Variants in MRPL50 observed in about 807,000 individuals in gnomAD.
The protein encoded by MRPL50 is mitochondrial ribosomal protein L50.
In MRPL50, 10 loss-of-function variants were observed where a neutral mutation model predicts 16.2. That is an observed-to-expected ratio of 0.62 (90% CI 0.38 to 1.05). The LOEUF (loss-of-function observed/expected upper bound fraction) is 1.05. MRPL50 is among the 50% of genes least tolerant of loss of function. The pLI is 0.01. For missense variants in MRPL50, 213 were observed against 187.1 expected (o/e 1.14, Z -0.81); for synonymous variants, 68 against 66.8 (o/e 1.02, Z -0.09).
chr9:101,398,545 C>T lies in MRPL50; in HGVS notation c.48G>A (p.Trp16Ter), dbSNP rs1163727791. ...VSGITRRVFM[W>*]TVSGTPCREF... ...CTCTACATGGTGTCCCTGAGACTGT[C>T]CACATGAAGACTCTTCTGGTAATGC... The change falls in exon 1 of 2, where the codon TGG becomes TGA. Residue 16 changes from tryptophan to a stop codon, truncating the protein, a stop_gained. Coordinates refer to ENST00000374865, the MANE Select transcript of MRPL50 (RefSeq NM_019051.3). LOFTEE classifies it high-confidence loss of function. The T allele has an allele frequency of 3.7e-6, 6 of 1,614,102 alleles. No individual in the cohort carries two copies. The highest frequency in any genetic ancestry group is 4.2e-6 in the Non-Finnish European group (5 of 1,180,030).
At position 101,388,994 on chromosome 9, in the gene MRPL50, TATAAC is replaced by T. The variant is rs10539161; in HGVS notation, c.*1467_*1471del. 0.37 allele frequency: 55,712 copies of T among 151,662 alleles called. 11,845 individuals are homozygous for T. The highest frequency in any genetic ancestry group is 0.49 in the Non-Finnish European group (33,526 of 67,800). 9.4% of individuals were successfully genotyped at this position (151,662 alleles called of 1,614,324 possible). A position where few individuals can be genotyped will look rare whatever the true frequency, so the allele number is the denominator to read the frequency against. ...ACTATTTACATTCACAACTATAACATATAACATATTATTCACAATAGTTATGTTCA... is the reference window on the plus strand; with the variant it reads ...ACTATTTACATTCACAACTATAACATATATTATTCACAATAGTTATGTTCA... On this transcript the variant is annotated 3_prime_UTR_variant, in exon 2 of 2. Transcript: ENST00000374865.
chr9:101,387,739 A>G lies in MRPL50; in HGVS notation c.*2727T>C, dbSNP rs1476957987. On this transcript the variant is annotated 3_prime_UTR_variant, in exon 2 of 2. Transcript: ENST00000374865. ...TTTTATTAGCAGGCTTTATTTAAGC[A>G]TACCTACTAAGCTTACAGAAGTTCC... 6.6e-6 allele frequency: 1 copy of G among 152,150 alleles called. No homozygotes were observed. Among genetic ancestry groups the G allele is most frequent in the Non-Finnish European group, 1.5e-5 (1 of 68,006 alleles). The allele number at this position is 152,150 out of a possible 1,614,324, so 9.4% of individuals were successfully genotyped here.
intron 1 of MRPL50, among the ~76,000 whole-genome samples, chr9:101,396,047 A>G (rs1830335430): frequency 6.6e-6 from 1 of 152,148 alleles, no homozygotes; most frequent in African/African-American, 2.4e-5. Flanking sequence ...TATCACATGT[A>G]CCCCATAAAT....
At chr9:101,393,225 A>G (rs931158468) in intron 1 of MRPL50, among the ~76,000 whole-genome samples, 21 of 152,260 alleles carry the variant, frequency 1.4e-4, no homozygotes, top group Middle Eastern at 3.4e-3. Context: ...AAGGTCATGC[A>G]TGACAAACCC....
At position 101,390,763 on chromosome 9, in the gene MRPL50, G is replaced by C. The variant is rs775090222; in HGVS notation, c.180C>G (p.Tyr60Ter). 6.2e-7 allele frequency: 1 copy of C among 1,613,526 alleles called. No individual in the cohort carries two copies. The highest frequency in any genetic ancestry group is 8.5e-7 in the Non-Finnish European group (1 of 1,179,680). Residue 60 changes from tyrosine to a stop codon, truncating the protein, a stop_gained, in exon 2 of 2, where the codon TAC (tyrosine) becomes TAG (stop). Coordinates refer to ENST00000374865, the MANE Select transcript of MRPL50 (RefSeq NM_019051.3). LOFTEE classifies it high-confidence loss of function. ...LVCPPLRSRAYTPPEDLQSRL... is the reference protein window; with the variant it reads ...LVCPPLRSRA The stretch of plus-strand genomic sequence containing the variant: ...GACTCTGGAGATCTTCAGGTGGTGT[G>C]TATGCTCGGCTTCGTAAAGGTGGAC...
Position 101,390,662 on chromosome 9 carries a change from C to G in MRPL50, c.281G>C (p.Ser94Thr), listed in dbSNP as rs773979367. Reference sequence around the variant, plus strand: ...AGCCAGAAGATTGAACTTTAGACGACTATCTTCCAGGGAGATGTCTTGCCA... The same window carrying G: ...AGCCAGAAGATTGAACTTTAGACGAGTATCTTCCAGGGAGATGTCTTGCCA... ...SNWQDISLED[S>T]RLKFNLLAHL... Residue 94 changes from serine (S) to threonine (T), a missense_variant, in exon 2 of 2, where the codon AGT (serine) becomes ACT (threonine). Physicochemically the swap from Ser to Thr is moderately conservative, Grantham distance 58. Coordinates refer to ENST00000374865, the MANE Select transcript of MRPL50 (RefSeq NM_019051.3). The G allele has an allele frequency of 1.2e-6, 2 of 1,609,220 alleles. No individual in the cohort carries two copies. The highest frequency in any genetic ancestry group is 3.3e-5 in the Admixed American group (2 of 59,752).
At chr9:101,394,628 T>G (rs1830317385) in intron 1 of MRPL50, among the ~76,000 whole-genome samples, 1 of 152,202 alleles carries the variant, frequency 6.6e-6, no homozygotes, top group African/African-American at 2.4e-5. Context: ...GCAATTCCTC[T>G]GCCTTGATAC....
At chr9:101,391,429 T>C (rs1014527447) in intron 1 of MRPL50, among the ~76,000 whole-genome samples, 3 of 152,082 alleles carry the variant, frequency 2.0e-5, no homozygotes, top group African/African-American at 7.2e-5. Context: ...TCAGAGTGTA[T>C]CACATCCTAC....
In MRPL50 at chr9:101,398,432, T is replaced by G. The variant is rs1588151364; in HGVS notation, c.92+69A>C. ...GGGACCACGATGGCGTAACACTCTA[T>G]TTTGAATTCGTCCCTAATCCTCCTT... On this transcript the variant is annotated intron_variant, in intron 1 of 1. Transcript: ENST00000374865. The G allele has an allele frequency of 2.1e-6, 3 of 1,449,448 alleles. No homozygotes were observed. The East Asian group carries it at 6.8e-5, about 33-fold the overall frequency. 89.8% of individuals were successfully genotyped at this position (1,449,448 alleles called of 1,614,324 possible). A position where few individuals can be genotyped will look rare whatever the true frequency, so the allele number is the denominator to read the frequency against.
At chr9:101,393,558 C>A (rs1359283162) in intron 1 of MRPL50, among the ~76,000 whole-genome samples, 3 of 151,264 alleles carry the variant, frequency 2.0e-5, no homozygotes, top group African/African-American at 7.3e-5. Flanking sequence ...AAATATCCAC[C>A]AAAAAAACTC....
In MRPL50 at chr9:101,390,656, A is replaced by G; in HGVS notation, c.287T>C (p.Leu96Pro). ...TAAATGAGCCAGAAGATTGAACTTT[A>G]GACGACTATCTTCCAGGGAGATGTC... ...WQDISLEDSR[L>P]KFNLLAHLAD... Residue 96 changes from leucine (L) to proline (P), a missense_variant, in exon 2 of 2, where the codon CTA (leucine) becomes CCA (proline). Coordinates refer to ENST00000374865, the MANE Select transcript of MRPL50 (RefSeq NM_019051.3). 6.2e-7 allele frequency: 1 copy of G among 1,613,378 alleles called. No homozygotes were observed. The highest frequency in any genetic ancestry group is 8.5e-7 in the Non-Finnish European group (1 of 1,179,478).
At chr9:101,397,147 G>A (rs1171812200) in intron 1 of MRPL50, among the ~76,000 whole-genome samples, 1 of 151,992 alleles carries the variant, frequency 6.6e-6, no homozygotes, top group Non-Finnish European at 1.5e-5. Flanking sequence ...TAAATCTTAA[G>A]TGTTTTCACC....
Position 101,390,594 on chromosome 9 carries a change from G to A in MRPL50, c.349C>T (p.Leu117Phe), listed in dbSNP as rs773715534. The A allele has an allele frequency of 9.9e-6, 16 of 1,613,582 alleles. No homozygotes were observed. The highest frequency in any genetic ancestry group is 1.4e-5 in the Non-Finnish European group (16 of 1,179,596). The stretch of plus-strand genomic sequence containing the variant: ...TCTCTAACCCTGCACATCTGGTGGA[G>A]TCTGGAGTTAGGGACTACATGACCC... ...DLGHVVPNSR[L>F]HQMCRVRDVL... Residue 117 changes from leucine to phenylalanine, a missense_variant, in exon 2 of 2, where the codon CTC becomes TTC. Leu to Phe is a conservative substitution (Grantham distance 22, BLOSUM62 0). Coordinates refer to ENST00000374865, the MANE Select transcript of MRPL50 (RefSeq NM_019051.3).
chr9:101,390,122 A>G lies in MRPL50; in HGVS notation c.*344T>C. On this transcript the variant is annotated 3_prime_UTR_variant, in exon 2 of 2. Coordinates refer to ENST00000374865, the MANE Select transcript of MRPL50 (RefSeq NM_019051.3). Reference sequence around the variant, plus strand: ...CTCTATCTTAGATATGAATCCTAACAGGATGAAAATACTTTCTTGCAACTA... The same window carrying G: ...CTCTATCTTAGATATGAATCCTAACGGGATGAAAATACTTTCTTGCAACTA... The G allele has an allele frequency of 1.9e-6, 2 of 1,030,454 alleles. No homozygotes were observed. Among genetic ancestry groups the G allele is most frequent in the Non-Finnish European group, 1.2e-6 (1 of 858,400 alleles). The allele number at this position is 1,030,454 out of a possible 1,614,324, so 63.8% of individuals were successfully genotyped here.
chr9:101,390,446 G>A lies in MRPL50; in HGVS notation c.*20C>T, dbSNP rs964161204. 2 of 1,594,326 alleles carry A rather than the reference G, an allele frequency of 1.3e-6. No homozygotes were observed. Among genetic ancestry groups the A allele is most frequent in the Non-Finnish European group, 1.7e-6 (2 of 1,169,892 alleles). On this transcript the variant is annotated 3_prime_UTR_variant, in exon 2 of 2. Coordinates refer to ENST00000374865, the MANE Select transcript of MRPL50 (RefSeq NM_019051.3). ...CTCAGGGAAAGACAGTGATTTCAAT[G>A]TGTTTCTCTTCCGAATTGCTTAGTA...
rs1163945817 is a variant in MRPL50 at position 101,389,560 on chromosome 9, G to C, written c.*906C>G. ...CACTTTTCTTTAGGAATTGTCAGCA[G>C]TCAGAACAATATAAGACATTCCTTC... On this transcript the variant is annotated 3_prime_UTR_variant, in exon 2 of 2. Coordinates refer to ENST00000374865, the MANE Select transcript of MRPL50 (RefSeq NM_019051.3). The C allele has an allele frequency of 1.0e-6, 1 of 992,012 alleles. No homozygotes were observed. The highest frequency in any genetic ancestry group is 1.4e-6 in the Non-Finnish European group (1 of 727,098). 61.5% of individuals were successfully genotyped at this position (992,012 alleles called of 1,614,324 possible).
At position 101,390,437 on chromosome 9, in the gene MRPL50, G is replaced by C. The variant is rs769835067; in HGVS notation, c.*29C>G. On this transcript the variant is annotated 3_prime_UTR_variant, in exon 2 of 2. Coordinates refer to ENST00000374865, the MANE Select transcript of MRPL50 (RefSeq NM_019051.3). ...GCCCCCTTGCTCAGGGAAAGACAGT[G>C]ATTTCAATGTGTTTCTCTTCCGAAT... 1 of 1,587,428 alleles carries C rather than the reference G, an allele frequency of 6.3e-7. No homozygotes were observed. The highest frequency in any genetic ancestry group is 1.7e-5 in the Admixed American group (1 of 57,728).
At chr9:101,392,526 T>C (rs754988390) in intron 1 of MRPL50, among the ~76,000 whole-genome samples, 87 of 151,990 alleles carry the variant, frequency 5.7e-4, no homozygotes, top group African/African-American at 2.0e-3. Context: ...AGTCAATAGA[T>C]TGGAAAACCT....
intron 1 of MRPL50, among the ~76,000 whole-genome samples, chr9:101,396,153 G>A (rs1274233994): frequency 6.6e-6 from 1 of 152,118 alleles, no homozygotes; most frequent in East Asian, 1.9e-4. Context: ...AAAGACAAGT[G>A]TGGTGAGGAC....
Sources: gnomAD v4.1 joint callset for allele counts (sites outside exome capture counted in the v4.1 genomes callset) on GRCh38, gnomAD v4.1.1 for gene constraint, MANE v1.5 for transcripts, NCBI Gene and HGNC (gene_info 2026-07-23, HGNC 2026-07-21) for gene names.